Variants in SGSH observed in about 807,000 individuals in gnomAD.
SGSH encodes N-sulfoglucosamine sulfohydrolase.
A neutral mutation model predicts 51.0 loss-of-function variants in SGSH; 48 were observed. The observed-to-expected ratio is 0.94, with a 90% CI of 0.75 to 1.20. The LOEUF (loss-of-function observed/expected upper bound fraction) is 1.20. SGSH is among the 50% of genes most tolerant of loss of function. The pLI, the probability that SGSH is intolerant of heterozygous loss-of-function variation, is 0.00. For synonymous variants in SGSH, 321 were observed against 313.4 expected, an observed-to-expected ratio of 1.02 and a Z score of -0.26; for missense variants, 662 against 717.8, an observed-to-expected ratio of 0.92 and a Z score of 0.89.
intron 1 of SGSH, among the ~76,000 whole-genome samples, chr17:80,218,493 C>G (rs1035546418): frequency 2.0e-5 from 3 of 152,256 alleles, no homozygotes; most frequent in African/African-American, 7.2e-5. Flanking sequence ...CAGACCAACA[C>G]TTTCCCCAGC....
downstream of SGSH, among the ~76,000 whole-genome samples, chr17:80,206,359 A>T (rs553759182): frequency 1.7e-4 from 26 of 152,340 alleles, no homozygotes; most frequent in African/African-American, 6.3e-4. Flanking sequence ...CGCGCCTGTA[A>T]TCCCCACACT....
rs374621913 is a variant in SGSH at position 80,213,852 on chromosome 17, G to C, written c.697C>G (p.Arg233Gly). ...PYFVPNTPAA[R>G]ADLAAQYTTV... ...GTGTACTGAGCGGCCAGGTCGGCTC[G>C]GGCTGCCGGGGTGTTGGGGACGAAG... is the stretch of plus-strand genomic sequence containing the variant. The change falls in exon 6 of 8, where the codon CGA becomes GGA. Residue 233 changes from arginine (R) to glycine (G), a missense_variant. Transcript: ENST00000326317. The surrounding 1 kb of genome is among the most constrained non-coding windows in gnomAD (Gnocchi z 4.6). 6.8e-6 allele frequency: 11 copies of C among 1,608,344 alleles called. No individual in the cohort carries two copies. The highest frequency in any genetic ancestry group is 5.0e-5 in the Admixed American group (3 of 59,580).
In SGSH at chr17:80,209,603, G is replaced by C; in HGVS notation, c.*849C>G. 1.1e-6 allele frequency: 1 copy of C among 923,860 alleles called. No homozygotes were observed. The highest frequency in any genetic ancestry group is 1.3e-6 in the Non-Finnish European group (1 of 776,092). 57.2% of individuals were successfully genotyped at this position (923,860 alleles called of 1,614,324 possible). A position where few individuals can be genotyped will look rare whatever the true frequency, so the allele number is the denominator to read the frequency against. ...CAGTGTCACCGAAGAATTAACCCAA[G>C]GCAGAGGATGGGCATTGCCACCCAG... On this transcript the variant is annotated 3_prime_UTR_variant, in exon 8 of 8. Coordinates refer to ENST00000326317, the MANE Select transcript of SGSH (RefSeq NM_000199.5).
chr17:80,204,002 C>T, downstream of SGSH: 1 of 892,952 alleles, frequency 1.1e-6, no homozygotes, highest in South Asian at 1.6e-5. Flanking sequence ...GAGGGTAACC[C>T]CACCTGTCTC....
downstream of SGSH, chr17:80,204,775 ATAGG>A (rs2041190449): frequency 2.1e-6 from 1 of 470,776 alleles, no homozygotes; most frequent in African/African-American, 2.0e-5. Context: ...CCTTGGGCCT[ATAGG>A]AAACAGGATT....
downstream of SGSH, chr17:80,208,573 G>A: frequency 2.1e-6 from 1 of 485,546 alleles, no homozygotes; most frequent in Non-Finnish European, 3.6e-6. Context: ...CCCTTTACCA[G>A]GCTTGGCATG....
downstream of SGSH, chr17:80,204,156 C>G (rs2041144945): frequency 6.9e-7 from 1 of 1,448,946 alleles, no homozygotes; most frequent in African/African-American, 1.4e-5. Context: ...TGCCAATCAT[C>G]TCCCCTGAAT....
chr17:80,202,919 C>A (rs1231862599), downstream of SGSH: 1 of 164,844 alleles, frequency 6.1e-6, no homozygotes, highest in Non-Finnish European at 1.3e-5. Flanking sequence ...CAAGCAGGGA[C>A]AGCTGGTCAC....
Position 80,214,270 on chromosome 17 carries a change from G to A in SGSH, c.565C>T (p.Gln189Ter). The change falls in exon 5 of 8, where the codon CAG (glutamine) becomes TAG (stop). Residue 189 changes from glutamine to a stop codon, truncating the protein, a stop_gained. Transcript: ENST00000326317. LOFTEE classifies it high-confidence loss of function. ...DPHRCGHSQP[Q>*]YGTFCEKFGN... is the part of the protein sequence containing the mutation. ...AACTTCTCACAGAAGGTTCCGTACT[G>A]GGGCTGGGAGTGCCCACAGCGGTGG... is the stretch of plus-strand genomic sequence containing the variant. The A allele has an allele frequency of 6.2e-7, 1 of 1,613,274 alleles. No homozygotes were observed. The highest frequency in any genetic ancestry group is 8.5e-7 in the Non-Finnish European group (1 of 1,180,012).
downstream of SGSH, chr17:80,204,065 C>T (rs2041139076): frequency 2.5e-6 from 2 of 816,174 alleles, no homozygotes; most frequent in South Asian, 3.7e-5. Flanking sequence ...GCCCAGCCTG[C>T]AGGCTCTTGC....
At position 80,213,640 on chromosome 17, in the gene SGSH, C is replaced by T. The variant is rs1025716919; in HGVS notation, c.745+164G>A. 16 of 691,428 alleles carry T rather than the reference C, an allele frequency of 2.3e-5. No homozygotes were observed. Among genetic ancestry groups the T allele is most frequent in the South Asian group, 5.2e-5 (3 of 57,522 alleles). 42.8% of individuals were successfully genotyped at this position (691,428 alleles called of 1,614,324 possible). A position where few individuals can be genotyped will look rare whatever the true frequency, so the allele number is the denominator to read the frequency against. On this transcript the variant is annotated intron_variant, in intron 6 of 7. Coordinates refer to ENST00000326317, the MANE Select transcript of SGSH (RefSeq NM_000199.5). The surrounding 1 kb of genome is among the most constrained non-coding windows in gnomAD (Gnocchi z 4.6). The stretch of plus-strand genomic sequence containing the variant: ...CAGCCCCGGGGTTGGGTCCTGATGC[C>T]ACCCACAGGCCCCTCCTCTCAATGT...
downstream of SGSH, chr17:80,202,703 C>T (rs573481319): frequency 3.5e-5 from 35 of 986,220 alleles, no homozygotes; most frequent in Non-Finnish European, 4.2e-5. Context: ...GCTGGATCCC[C>T]GTCTGTGGTG....
rs1567920377 is a variant in SGSH, at chr17:80,213,405, T to C, written c.745+399A>G. ...TGCTGACACCTTGATTTCAAACTTC[T>C]GGCCTCCTGAACTGTGGGAGTACAA... On this transcript the variant is annotated intron_variant, in intron 6 of 7. Transcript: ENST00000326317. This position sits in a 1 kb window ranked among gnomAD's most constrained non-coding sequence, Gnocchi z 4.6. 8.6e-6 allele frequency: 2 copies of C among 232,408 alleles called. No homozygotes were observed. The highest frequency in any genetic ancestry group is 1.7e-5 in the Non-Finnish European group (2 of 116,668). The allele number at this position is 232,408 out of a possible 1,614,324, so 14.4% of individuals were successfully genotyped here.
chr17:80,201,733 C>T (rs1364115908), downstream of SGSH: 5 of 1,613,918 alleles, frequency 3.1e-6, no homozygotes, highest in Non-Finnish European at 4.2e-6. This position sits in a 1 kb window ranked among gnomAD's most constrained non-coding sequence, Gnocchi z 5.0. Flanking sequence ...ACCTTCTCGA[C>T]TTGCCCTCAG....
At chr17:80,203,803 C>A, downstream of SGSH, 13 of 1,557,068 alleles carry the variant, frequency 8.3e-6, no homozygotes, top group Non-Finnish European at 1.1e-5. This position sits in a 1 kb window ranked among gnomAD's most constrained non-coding sequence, Gnocchi z 4.6. Flanking sequence ...TGGGTCAGGG[C>A]CTCTGCTGGT....
chr17:80,203,728 C>T (rs928387150), downstream of SGSH: 49 of 902,322 alleles, frequency 5.4e-5, no homozygotes, highest in Admixed American at 5.3e-4. The surrounding 1 kb of genome is among the most constrained non-coding windows in gnomAD (Gnocchi z 4.6). Flanking sequence ...CTCTCCCACC[C>T]GGCCATCTCC....
At chr17:80,205,841 G>C (rs1392246787), downstream of SGSH, 5 of 523,878 alleles carry the variant, frequency 9.5e-6, no homozygotes, top group Admixed American at 3.5e-5. Flanking sequence ...ACGTGACTGT[G>C]GGTGAGGTCT....
At chr17:80,220,202 TGG>T (rs1223169224) in intron 1 of SGSH, 22 bp downstream of exon 1, 1 of 1,495,320 alleles carries the variant, frequency 6.7e-7, no homozygotes, top group Non-Finnish European at 8.9e-7. Context: ...CAGGTGGGCG[TGG>T]GGGGGCGGCG....
downstream of SGSH, chr17:80,203,724 C>T: frequency 1.2e-6 from 1 of 836,548 alleles, no homozygotes; most frequent in Non-Finnish European, 1.9e-6. This position sits in a 1 kb window ranked among gnomAD's most constrained non-coding sequence, Gnocchi z 4.6. Context: ...CCTTCTCTCC[C>T]ACCCGGCCAT....
Sources: gnomAD v4.1 joint callset for allele counts (sites outside exome capture counted in the v4.1 genomes callset) on GRCh38, gnomAD v4.1.1 for gene constraint, Gnocchi (gnomAD v3.1) non-coding constraint, MANE v1.5 for transcripts, NCBI Gene and HGNC (gene_info 2026-07-23, HGNC 2026-07-21) for gene names.